GALNT13: variants seen among roughly 807,000 people sequenced by gnomAD.
GALNT13 encodes polypeptide N-acetylgalactosaminyltransferase 13, also known as UDP-GalNAc:polypeptide N-acetylgalactosaminyltransferase 13.
In GALNT13, 28 loss-of-function variants were observed where a neutral mutation model predicts 64.2. The ratio of observed to expected loss-of-function variants is 0.44; its 90% CI spans 0.32 to 0.60. GALNT13 has a LOEUF of 0.60. Among genes scored for constraint, GALNT13 ranks in the 20% least tolerant of loss-of-function variants. The pLI, the probability that GALNT13 is intolerant of heterozygous loss-of-function variation, is 0.05. For synonymous variants in GALNT13, 214 were observed against 224.6 expected (o/e 0.95, Z 0.42); for missense variants, 577 against 669.8 (o/e 0.86, Z 1.53).
the GALNT13 span, among the ~76,000 whole-genome samples, chr2:153,129,291 A>T: frequency 6.6e-6 from 1 of 152,142 alleles, no homozygotes; most frequent in African/African-American, 2.4e-5. Context: ...TCTACTCAAA[A>T]TTTTCTAGTA....
chr2:153,619,242 C>T, the GALNT13 span, among the ~76,000 whole-genome samples: 4 of 151,796 alleles, frequency 2.6e-5, no homozygotes, highest in Non-Finnish European at 5.9e-5. Context: ...ATTTTATAAC[C>T]CACTATTTCA....
At chr2:153,788,743 G>T in the GALNT13 span, among the ~76,000 whole-genome samples, 2 of 152,046 alleles carry the variant, frequency 1.3e-5, no homozygotes, top group African/African-American at 4.8e-5. Context: ...CAAAATAAAG[G>T]GATGGAGGGA....
the GALNT13 span, among the ~76,000 whole-genome samples, chr2:153,722,556 G>A: frequency 1.1e-4 from 16 of 149,258 alleles, no homozygotes; most frequent in African/African-American, 1.8e-4. Context: ...TTGATAGACC[G>A]CTAACAAGAC....
intron 9 of GALNT13, among the ~76,000 whole-genome samples, chr2:154,350,875 T>C (rs1696358133): frequency 6.6e-6 from 1 of 152,194 alleles, no homozygotes; most frequent in Non-Finnish European, 1.5e-5. Flanking sequence ...TGTTCAGTGA[T>C]AAGTAGAAAC....
chr2:153,707,551 A>G, the GALNT13 span, among the ~76,000 whole-genome samples: 2 of 152,320 alleles, frequency 1.3e-5, no homozygotes, highest in African/African-American at 4.8e-5. Context: ...ACAGTAGTTC[A>G]ATGTATGTGC....
intron 3 of GALNT13, among the ~76,000 whole-genome samples, chr2:153,977,952 A>C (rs1285412327): frequency 1.3e-5 from 2 of 152,212 alleles, no homozygotes; most frequent in East Asian, 3.9e-4. Context: ...GCATTAAAAA[A>C]AACAGTGCCT....
At chr2:154,429,827 A>T (rs1700634020) in intron 11 of GALNT13, among the ~76,000 whole-genome samples, 1 of 152,158 alleles carries the variant, frequency 6.6e-6, no homozygotes, top group African/African-American at 2.4e-5. Context: ...AGCAATGTTC[A>T]TTTATTTACC....
the GALNT13 span, among the ~76,000 whole-genome samples, chr2:153,412,511 G>A: frequency 1.3e-5 from 2 of 152,186 alleles, no homozygotes; most frequent in Admixed American, 1.3e-4. Flanking sequence ...CAAAGAGAGG[G>A]AATTGTAAGA....
At chr2:153,890,440 G>C (rs1055789945) in intron 1 of GALNT13, among the ~76,000 whole-genome samples, 1 of 151,876 alleles carries the variant, frequency 6.6e-6, no homozygotes, top group African/African-American at 2.4e-5. Flanking sequence ...AGTCACTCAG[G>C]GGACTTAAGA....
At chr2:154,256,735 C>T (rs1336825385) in intron 7 of GALNT13, among the ~76,000 whole-genome samples, 1 of 152,174 alleles carries the variant, frequency 6.6e-6, no homozygotes, top group African/African-American at 2.4e-5. Context: ...CTCAGTTCAT[C>T]TTTCCTACTT....
the GALNT13 span, among the ~76,000 whole-genome samples, chr2:153,083,654 A>G: frequency 0.13 from 20,318 of 151,778 alleles, 1,599 homozygotes; most frequent in African/African-American, 0.2. Context: ...TGTCAGATGT[A>G]TGGTTAGTGA....
chr2:153,659,400 A>G, the GALNT13 span, among the ~76,000 whole-genome samples: 5 of 152,132 alleles, frequency 3.3e-5, no homozygotes, highest in African/African-American at 1.2e-4. Flanking sequence ...GATGCTACAG[A>G]TAACACAAAA....
the GALNT13 span, among the ~76,000 whole-genome samples, chr2:153,476,274 G>A: frequency 6.6e-6 from 1 of 152,090 alleles, no homozygotes; most frequent in Non-Finnish European, 1.5e-5. Context: ...CGTTAACATT[G>A]TTTACACCAG....
At chr2:154,036,502 T>C (rs1698666577) in intron 3 of GALNT13, among the ~76,000 whole-genome samples, 1 of 152,176 alleles carries the variant, frequency 6.6e-6, no homozygotes, top group Non-Finnish European at 1.5e-5. Context: ...CATTGAGTCC[T>C]ATGATAGACA....
At chr2:153,408,594 C>A in the GALNT13 span, among the ~76,000 whole-genome samples, 1 of 151,972 alleles carries the variant, frequency 6.6e-6, no homozygotes, top group African/African-American at 2.4e-5. Context: ...ACGATTGTGC[C>A]GATTTACTCG....
intron 3 of GALNT13, among the ~76,000 whole-genome samples, chr2:154,025,760 A>T (rs1252575477): frequency 6.6e-6 from 1 of 152,226 alleles, no homozygotes; most frequent in Non-Finnish European, 1.5e-5. Flanking sequence ...TTACAGCTTT[A>T]CAGTGAGAAA....
rs142991055 is a variant in GALNT13 at position 154,161,375 on chromosome 2, GA to G, written c.311+20880del. On this transcript the variant is annotated intron_variant, in intron 4 of 12. Coordinates refer to ENST00000392825, the MANE Select transcript of GALNT13 (RefSeq NM_052917.4). ...AAGATGATTGAAGCAGTCTGGAGTA[GA>G]AAAAAAAAATAAATGTGAGTCCCAC... 1.9e-3 allele frequency among the ~76,000 whole-genome samples: 285 copies of G among 149,520 alleles called. 2 individuals are homozygous for G. The highest frequency in any genetic ancestry group is 9.1e-3 in the South Asian group (43 of 4,702).
At chr2:153,117,897 G>A in the GALNT13 span, among the ~76,000 whole-genome samples, 2 of 152,014 alleles carry the variant, frequency 1.3e-5, no homozygotes, top group African/African-American at 2.4e-5. Context: ...TCCCTCTGCC[G>A]TGCCTAATTT....
chr2:154,450,306 T>C, intron 12 of GALNT13, 105 bp from the exon 13 acceptor site: 1 of 964,916 alleles, frequency 1.0e-6, no homozygotes, highest in Non-Finnish European at 1.6e-6. Flanking sequence ...CAGTGTATTA[T>C]ACTATAAAAA....
Sources: allele counts gnomAD v4.1 joint callset (sites outside exome capture counted in the v4.1 genomes callset), GRCh38; gene constraint gnomAD v4.1.1; transcripts MANE v1.5; gene names NCBI Gene and HGNC (gene_info 2026-07-23, HGNC 2026-07-21).